The following MAML3 variants were observed in gnomAD, a reference collection of about 807,000 sequenced individuals.
MAML3 encodes the protein mastermind-like protein 3.
Under a neutral mutation model 101.9 loss-of-function variants are expected in MAML3, and 27 were observed. That is an observed-to-expected ratio of 0.27 (90% CI 0.20 to 0.37). The LOEUF is 0.37. Ranked by LOEUF, MAML3 falls within the 10% of genes least tolerant of loss-of-function variation. The probability of loss-of-function intolerance (pLI) is 1.00; values close to 1 mark genes in which losing one functional copy is unlikely to be tolerated. For missense variants in MAML3, 1,316 were observed against 1,444.9 expected (o/e 0.91, Z 1.45); for synonymous variants, 501 against 555.9 (o/e 0.90, Z 1.39).
At chr4:139,933,404 C>A (rs753415935) in intron 1 of MAML3, among the ~76,000 whole-genome samples, 10 of 152,212 alleles carry the variant, frequency 6.6e-5, no homozygotes, top group Non-Finnish European at 1.5e-4. Flanking sequence ...GACGAAAACA[C>A]CCCAAACCAT....
At chr4:139,783,381 ATCAT>A (rs1052478395) in intron 2 of MAML3, among the ~76,000 whole-genome samples, 2 of 152,180 alleles carry the variant, frequency 1.3e-5, no homozygotes, top group Admixed American at 1.3e-4. Flanking sequence ...GTGTCTACAC[ATCAT>A]TCATGTGAAG....
At chr4:139,875,162 A>G (rs2249564) in intron 2 of MAML3, among the ~76,000 whole-genome samples, 112,535 of 151,952 alleles carry the variant, frequency 0.74, 41,880 homozygotes, top group African/African-American at 0.79. Context: ...AACCCGCCCA[A>G]GGTCCTGCAA....
chr4:139,885,052 G>A (rs1233544627), intron 2 of MAML3, among the ~76,000 whole-genome samples: 5 of 152,164 alleles, frequency 3.3e-5, no homozygotes, highest in Admixed American at 6.5e-5. Flanking sequence ...AACATGTAGT[G>A]TATATTTCAA....
intron 2 of MAML3, among the ~76,000 whole-genome samples, chr4:139,762,067 C>T (rs994769191): frequency 2.6e-5 from 4 of 152,168 alleles, no homozygotes; most frequent in African/African-American, 9.7e-5. Context: ...TTCTATGCCA[C>T]ATGCAGAAAC....
chr4:139,979,968 T>A (rs1041720459), intron 1 of MAML3, among the ~76,000 whole-genome samples: 13 of 152,192 alleles, frequency 8.5e-5, no homozygotes, highest in Non-Finnish European at 1.8e-4. Flanking sequence ...AGGGTCTAGG[T>A]GAGTACGGAC....
intron 1 of MAML3, among the ~76,000 whole-genome samples, chr4:139,982,111 A>G (rs1397978210): frequency 6.6e-6 from 1 of 152,200 alleles, no homozygotes; most frequent in Non-Finnish European, 1.5e-5. Context: ...TACACAAATT[A>G]TTTGAAATTC....
intron 2 of MAML3, among the ~76,000 whole-genome samples, chr4:139,853,196 A>G (rs1429596259): frequency 2.0e-5 from 3 of 152,202 alleles, no homozygotes; most frequent in African/African-American, 7.2e-5. Flanking sequence ...GACTAAGGAC[A>G]GGCTTCTAAT....
chr4:139,976,358 T>C (rs901409930), intron 1 of MAML3, among the ~76,000 whole-genome samples: 2 of 152,292 alleles, frequency 1.3e-5, no homozygotes, highest in Non-Finnish European at 2.9e-5. Context: ...ATAAGCATCT[T>C]GGAAATGGAA....
At chr4:139,948,934 G>A (rs1271420037) in intron 1 of MAML3, among the ~76,000 whole-genome samples, 3 of 152,172 alleles carry the variant, frequency 2.0e-5, no homozygotes, top group Admixed American at 6.5e-5. Flanking sequence ...CACTCCAGGG[G>A]TAAGCTCTTC....
chr4:139,825,521 CATGT>C, intron 2 of MAML3, among the ~76,000 whole-genome samples: 1 of 152,138 alleles, frequency 6.6e-6, no homozygotes. Flanking sequence ...ATTCCGTGGC[CATGT>C]GTGTTTTTGC....
At chr4:140,148,790 C>G (rs533119300) in intron 1 of MAML3, among the ~76,000 whole-genome samples, 31 of 152,268 alleles carry the variant, frequency 2.0e-4, no homozygotes, top group African/African-American at 7.2e-4. Flanking sequence ...GTCTCCAATA[C>G]TCGGTAATAA....
chr4:140,112,345 T>A (rs1033331656), intron 1 of MAML3, among the ~76,000 whole-genome samples: 107 of 152,266 alleles, frequency 7.0e-4, no homozygotes, highest in African/African-American at 2.4e-3. Flanking sequence ...AGCCCAAGAA[T>A]GTAGCCATTT....
chr4:140,015,607 A>G (rs1241269559), intron 1 of MAML3, among the ~76,000 whole-genome samples: 1 of 152,160 alleles, frequency 6.6e-6, no homozygotes, highest in Non-Finnish European at 1.5e-5. Context: ...CTGTTATTCA[A>G]CAAAGTGTTG....
At chr4:140,078,281 AT>A (rs33976749) in intron 1 of MAML3, among the ~76,000 whole-genome samples, 39,986 of 152,044 alleles carry the variant, frequency 0.26, 5,538 homozygotes, top group East Asian at 0.35. Flanking sequence ...TCCCATACTA[AT>A]AATTTCCAAC....
At chr4:139,843,499 T>A (rs549499125) in intron 2 of MAML3, among the ~76,000 whole-genome samples, 253 of 152,338 alleles carry the variant, frequency 1.7e-3, no homozygotes, top group African/African-American at 5.8e-3. Context: ...TAATTACCCA[T>A]GTTTAAGGAC....
At chr4:139,727,830 A>G (rs1354660514) in intron 3 of MAML3, among the ~76,000 whole-genome samples, 1 of 152,184 alleles carries the variant, frequency 6.6e-6, no homozygotes, top group East Asian at 1.9e-4. Context: ...GAAACCCAAA[A>G]TCTGTTTCCA....
At chr4:139,898,571 T>A (rs1732656532) in intron 1 of MAML3, among the ~76,000 whole-genome samples, 1 of 152,244 alleles carries the variant, frequency 6.6e-6, no homozygotes, top group South Asian at 2.1e-4. Flanking sequence ...GTGAGCTTCC[T>A]TCACCAGCTG....
chr4:139,895,198 C>T (rs1039484904), intron 1 of MAML3, among the ~76,000 whole-genome samples: 2 of 152,198 alleles, frequency 1.3e-5, no homozygotes, highest in African/African-American at 4.8e-5. Flanking sequence ...GAAACAGGAG[C>T]ACTGGCTCTG....
At chr4:140,074,349 C>T (rs1727732168) in intron 1 of MAML3, among the ~76,000 whole-genome samples, 1 of 152,158 alleles carries the variant, frequency 6.6e-6, no homozygotes, top group Admixed American at 6.6e-5. Context: ...CAGCAACCCC[C>T]TGGTCCTTTG....
Sources: allele counts gnomAD v4.1 joint callset (sites outside exome capture counted in the v4.1 genomes callset), GRCh38; gene constraint gnomAD v4.1.1; transcripts MANE v1.5; gene names NCBI Gene and HGNC (gene_info 2026-07-23, HGNC 2026-07-21).